Variants in NKAIN2 observed in about 807,000 individuals in gnomAD.
NKAIN2 encodes the protein sodium/potassium-transporting ATPase subunit beta-1-interacting protein 2.
In NKAIN2, 14 loss-of-function variants were observed where a neutral mutation model predicts 32.6. The ratio of observed to expected loss-of-function variants is 0.43; its 90% confidence interval spans 0.28 to 0.67. The LOEUF is 0.67. NKAIN2 is among the 30% of genes least tolerant of loss of function. NKAIN2 has a pLI of 0.17. For missense variants in NKAIN2, 198 were observed against 258.3 expected (o/e 0.77, Z 1.60); for synonymous variants, 80 against 87.2 (o/e 0.92, Z 0.46).
chr6:124,325,512 A>G (rs953310175), intron 2 of NKAIN2, among the ~76,000 whole-genome samples: 4 of 152,148 alleles, frequency 2.6e-5, no homozygotes, highest in Non-Finnish European at 4.4e-5. Context: ...ATACCCATCA[A>G]CTGATGAATG....
intron 3 of NKAIN2, among the ~76,000 whole-genome samples, chr6:124,645,716 C>A (rs1784144808): frequency 6.6e-6 from 1 of 152,062 alleles, no homozygotes; most frequent in Non-Finnish European, 1.5e-5. Context: ...CCAGGGATCA[C>A]CAGACTTTTA....
Position 124,288,083 on chromosome 6 carries a change from A to T in NKAIN2, c.192+4941A>T, listed in dbSNP as rs185265196. On this transcript the variant is annotated intron_variant, in intron 2 of 6. Transcript: ENST00000368417. ...TTTATAGAGGATAGTATACTAAAAT[A>T]ACAGTAATATTTGTAAGAATAATTT... Among the ~76,000 whole-genome samples, 14 of 152,350 alleles carry T rather than the reference A, an allele frequency of 9.2e-5. No homozygotes were observed. The East Asian group carries it at 1.9e-3, about 21-fold the overall frequency.
chr6:124,733,851 A>G (rs143341149), intron 4 of NKAIN2, among the ~76,000 whole-genome samples: 1 of 151,872 alleles, frequency 6.6e-6, no homozygotes, highest in East Asian at 1.9e-4. Context: ...ATAGGTTAGT[A>G]TACACACACA....
At chr6:124,630,621 A>C (rs1242255450) in intron 3 of NKAIN2, among the ~76,000 whole-genome samples, 1 of 152,104 alleles carries the variant, frequency 6.6e-6, no homozygotes, top group African/African-American at 2.4e-5. Flanking sequence ...ATTTAGACTA[A>C]AAAAAAGTGA....
intron 1 of NKAIN2, among the ~76,000 whole-genome samples, chr6:124,101,083 G>A (rs1784866721): frequency 6.6e-6 from 1 of 152,140 alleles, no homozygotes; most frequent in Non-Finnish European, 1.5e-5. Flanking sequence ...ACCCAACAAT[G>A]CATGGTAAAG....
At chr6:124,513,844 A>G (rs1316064086) in intron 3 of NKAIN2, among the ~76,000 whole-genome samples, 2 of 152,158 alleles carry the variant, frequency 1.3e-5, no homozygotes, top group Non-Finnish European at 2.9e-5. Context: ...ACCGGATTCC[A>G]CATGAAATCA....
intron 1 of NKAIN2, among the ~76,000 whole-genome samples, chr6:123,936,545 T>G (rs1188968069): frequency 6.6e-6 from 1 of 152,108 alleles, no homozygotes; most frequent in Non-Finnish European, 1.5e-5. Flanking sequence ...ACAAAAGTTA[T>G]ATATCTATAA....
At chr6:123,940,312 G>A (rs958050690) in intron 1 of NKAIN2, among the ~76,000 whole-genome samples, 1 of 151,754 alleles carries the variant, frequency 6.6e-6, no homozygotes, top group Non-Finnish European at 1.5e-5. Flanking sequence ...TTGTGTGTGT[G>A]TGTGTGTGTG....
chr6:124,740,630 T>G (rs1777161905), intron 4 of NKAIN2, among the ~76,000 whole-genome samples: 1 of 151,790 alleles, frequency 6.6e-6, no homozygotes. Context: ...TCAACCATGT[T>G]AATATCTATG....
At chr6:123,965,121 C>T (rs2114621216) in intron 1 of NKAIN2, among the ~76,000 whole-genome samples, 1 of 152,098 alleles carries the variant, frequency 6.6e-6, no homozygotes, top group South Asian at 2.1e-4. Context: ...TTTTTTGAGA[C>T]ATCCATCCAC....
intron 4 of NKAIN2, among the ~76,000 whole-genome samples, chr6:124,733,287 A>G (rs2071867566): frequency 6.6e-6 from 1 of 151,968 alleles, no homozygotes; most frequent in Non-Finnish European, 1.5e-5. Flanking sequence ...ATTACAGTAT[A>G]AAGAGTAAGC....
At chr6:124,680,301 GT>G (rs1773554146) in intron 4 of NKAIN2, among the ~76,000 whole-genome samples, 1 of 152,144 alleles carries the variant, frequency 6.6e-6, no homozygotes, top group Non-Finnish European at 1.5e-5. Flanking sequence ...TGCTGTGGCA[GT>G]TGATGATTTG....
intron 2 of NKAIN2, among the ~76,000 whole-genome samples, chr6:124,340,377 T>C (rs1041710188): frequency 2.0e-5 from 3 of 152,158 alleles, no homozygotes; most frequent in Non-Finnish European, 4.4e-5. Flanking sequence ...GGCCTTTTCT[T>C]TTTTTAGCTT....
intron 1 of NKAIN2, among the ~76,000 whole-genome samples, chr6:123,847,133 A>C (rs564950114): frequency 6.6e-6 from 1 of 152,366 alleles, no homozygotes; most frequent in East Asian, 1.9e-4. Context: ...ATACATATCC[A>C]CAGTAGTGAA....
At chr6:123,851,244 A>ATTTTTTTTTTTTTTTT (rs59287833) in intron 1 of NKAIN2, among the ~76,000 whole-genome samples, 1 of 88,194 alleles carries the variant, frequency 1.1e-5, no homozygotes, top group Non-Finnish European at 2.0e-5. Context: ...TGGTGGTTCT[A>ATTTTTTTTTTTTTTTT]TTTTTTTTTT....
chr6:124,175,720 CTTTAG>C (rs746547118), intron 1 of NKAIN2, among the ~76,000 whole-genome samples: 15 of 152,116 alleles, frequency 9.9e-5, no homozygotes, highest in Non-Finnish European at 1.6e-4. Flanking sequence ...ACCCCAAAGT[CTTTAG>C]TTTATCAATT....
At chr6:123,912,955 T>G (rs1775297746) in intron 1 of NKAIN2, among the ~76,000 whole-genome samples, 1 of 152,212 alleles carries the variant, frequency 6.6e-6, no homozygotes, top group African/African-American at 2.4e-5. Context: ...TTCTATTTAT[T>G]TGTAGTATCC....
At chr6:124,334,852 G>C (rs577962487) in intron 2 of NKAIN2, among the ~76,000 whole-genome samples, 1 of 152,300 alleles carries the variant, frequency 6.6e-6, no homozygotes, top group Admixed American at 6.5e-5. Flanking sequence ...AAGTTAAACT[G>C]TAAAATGAGT....
intron 3 of NKAIN2, among the ~76,000 whole-genome samples, chr6:124,634,965 G>A (rs1562296602): frequency 1.4e-5 from 2 of 145,444 alleles, no homozygotes; most frequent in African/African-American, 5.1e-5. Flanking sequence ...AGTGCTGAAA[G>A]AGAAAGAAAG....
Sources: gnomAD v4.1 joint callset for allele counts (sites outside exome capture counted in the v4.1 genomes callset) on GRCh38, gnomAD v4.1.1 for gene constraint, MANE v1.5 for transcripts, NCBI Gene and HGNC (gene_info 2026-07-23, HGNC 2026-07-21) for gene names.